TMC1: variants seen among roughly 807,000 people sequenced by gnomAD.
TMC1 encodes transmembrane channel like 1, also known as transmembrane channel-like protein 1.
Under a neutral mutation model 105.8 loss-of-function variants are expected in TMC1, and 84 were observed. The ratio of observed to expected loss-of-function variants is 0.79; its 90% CI spans 0.67 to 0.95. The LOEUF is 0.95. Ranked by LOEUF, TMC1 falls within the 40% of genes least tolerant of loss-of-function variation. The pLI is 0.00. For missense variants in TMC1, 817 were observed against 914.1 expected (o/e 0.89, Z 1.37); for synonymous variants, 315 against 311.5 (o/e 1.01, Z -0.12).
At chr9:72,794,481 G>A (rs1331629122) in intron 17 of TMC1, among the ~76,000 whole-genome samples, 1 of 152,056 alleles carries the variant, frequency 6.6e-6, no homozygotes, top group African/African-American at 2.4e-5. Context: ...GCCACCTACT[G>A]GATCACATTC....
At chr9:72,735,198 C>T (rs968083916) in intron 8 of TMC1, among the ~76,000 whole-genome samples, 1 of 152,180 alleles carries the variant, frequency 6.6e-6, no homozygotes, top group African/African-American at 2.4e-5. Context: ...TGCTTCAGCT[C>T]TGAGACCTGA....
rs182079787 is a variant in TMC1, at chr9:72,551,682, A to G, written c.-427-26220A>G. On this transcript the variant is annotated intron_variant, in intron 1 of 23. Transcript: ENST00000297784. ...ATTGAGTCCTTCCTAAAGACAGACT[A>G]AAGTCCTAGTCTCCAGGACCTGTAA... Among the ~76,000 whole-genome samples, 192 of 152,308 alleles carry G rather than the reference A, an allele frequency of 1.3e-3. 1 individual carries two copies. Among genetic ancestry groups the G allele is most frequent in the African/African-American group, 4.4e-3 (184 of 41,556 alleles).
rs147181098 is a variant in TMC1 at position 72,675,332 on chromosome 9, C to T, written c.17-13377C>T. On this transcript the variant is annotated intron_variant, in intron 5 of 23. Transcript: ENST00000297784. ...GAATTTCAGTCATTTCTCCTGTCAT[C>T]TGAAAAATATATGATATTGAATTTC... is the stretch of plus-strand genomic sequence containing the variant. Among the ~76,000 whole-genome samples the T allele has an allele frequency of 3.0e-3, 452 of 152,200 alleles. 6 individuals are homozygous for T. The highest frequency in any genetic ancestry group is 0.011 in the African/African-American group (438 of 41,510).
chr9:72,549,006 T>A (rs1161356112), intron 1 of TMC1, among the ~76,000 whole-genome samples: 2 of 152,148 alleles, frequency 1.3e-5, no homozygotes, highest in African/African-American at 4.8e-5. Context: ...TGGCACATAG[T>A]GGACATGAAA....
Position 72,731,443 on chromosome 9 carries a change from G to A in TMC1, c.363-8676G>A, listed in dbSNP as rs574285856. Among the ~76,000 whole-genome samples, 117 of 152,280 alleles carry A rather than the reference G, an allele frequency of 7.7e-4. 2 individuals carry two copies. The South Asian group carries it at 0.013, about 17-fold the overall frequency. On this transcript the variant is annotated intron_variant, in intron 8 of 23. Coordinates refer to ENST00000297784, the MANE Select transcript of TMC1 (RefSeq NM_138691.3). ...CTCTAGAACTGAAGATAAAGAAAAG[G>A]AAGAAAATAGGTGTAGGAGAAGAGA...
rs1424466624 is a variant in TMC1 at position 72,806,299 on chromosome 9, G to A, written c.1695+789G>A. ...TCCTCACTTCCCAGTAGGGGCAGCC[G>A]GGCAGAGGCGCCCCTCACCTCCTGG... On this transcript the variant is annotated intron_variant, in intron 18 of 23. Coordinates refer to ENST00000297784, the MANE Select transcript of TMC1 (RefSeq NM_138691.3). 1.1e-4 allele frequency among the ~76,000 whole-genome samples: 17 copies of A among 149,956 alleles called. 1 individual carries two copies. Among genetic ancestry groups the A allele is most frequent in the East Asian group, 8.0e-4 (4 of 4,980 alleles).
intron 2 of TMC1, among the ~76,000 whole-genome samples, chr9:72,605,765 G>A (rs1212628347): frequency 4.0e-5 from 6 of 151,854 alleles, no homozygotes; most frequent in Admixed American, 1.3e-4. Flanking sequence ...TAGTAGAGAC[G>A]TGGTTTTGTC....
chr9:72,801,666 C>A (rs1254112463), intron 17 of TMC1, among the ~76,000 whole-genome samples: 1 of 152,176 alleles, frequency 6.6e-6, no homozygotes, highest in African/African-American at 2.4e-5. Context: ...TTTTAACTAA[C>A]ATCACGTGTG....
intron 8 of TMC1, among the ~76,000 whole-genome samples, chr9:72,722,802 T>C (rs1421684254): frequency 6.6e-6 from 1 of 152,190 alleles, no homozygotes; most frequent in Non-Finnish European, 1.5e-5. Flanking sequence ...TAAAAAGCCC[T>C]GATCTATAGT....
intron 3 of TMC1, among the ~76,000 whole-genome samples, chr9:72,618,104 C>T (rs1825170144): frequency 1.5e-5 from 2 of 131,644 alleles, no homozygotes; most frequent in African/African-American, 5.6e-5. Flanking sequence ...TCTCAGCTTA[C>T]TGCAACCTCT....
intron 17 of TMC1, among the ~76,000 whole-genome samples, chr9:72,798,613 C>T (rs1388861232): frequency 6.6e-6 from 1 of 152,016 alleles, no homozygotes; most frequent in African/African-American, 2.4e-5. Context: ...CATGTTCTTA[C>T]TTATATGGGA....
rs953014504 is a variant in TMC1 at position 72,806,948 on chromosome 9, C to T, written c.1695+1438C>T. On this transcript the variant is annotated intron_variant, in intron 18 of 23. Coordinates refer to ENST00000297784, the MANE Select transcript of TMC1 (RefSeq NM_138691.3). The stretch of plus-strand genomic sequence containing the variant: ...TGGAGGTTGTAGCGAGCCGAGATCA[C>T]GCCACTGCACTCCAGCCTGGGCACC... Among the ~76,000 whole-genome samples the T allele has an allele frequency of 1.8e-4, 27 of 152,282 alleles. No individual in the cohort carries two copies. In the South Asian group the frequency reaches 5.2e-3, roughly 29 times the overall value.
At chr9:72,706,473 C>A (rs2793148) in intron 8 of TMC1, among the ~76,000 whole-genome samples, 76,301 of 151,930 alleles carry the variant, frequency 0.5, 20,186 homozygotes, top group African/African-American at 0.69. Flanking sequence ...TATTTGGTTA[C>A]ATGAGTAAGT....
chr9:72,604,507 T>G (rs1008938669), intron 2 of TMC1, among the ~76,000 whole-genome samples: 1 of 152,222 alleles, frequency 6.6e-6, no homozygotes, highest in South Asian at 2.1e-4. Context: ...CAGAAAAGTT[T>G]CTGGGCTCTG....
intron 4 of TMC1, among the ~76,000 whole-genome samples, chr9:72,641,129 T>C (rs1478857599): frequency 2.6e-5 from 4 of 152,202 alleles, no homozygotes; most frequent in African/African-American, 9.6e-5. Context: ...GGCCTCACTC[T>C]GTTGCCCAGT....
chr9:72,542,154 T>C (rs1413791271), intron 1 of TMC1, among the ~76,000 whole-genome samples: 1 of 152,036 alleles, frequency 6.6e-6, no homozygotes, highest in Non-Finnish European at 1.5e-5. Flanking sequence ...TGAAACCCCA[T>C]GTCTACTAAA....
chr9:72,691,444 G>A (rs1200289074), intron 6 of TMC1, among the ~76,000 whole-genome samples: 1 of 152,110 alleles, frequency 6.6e-6, no homozygotes, highest in African/African-American at 2.4e-5. Context: ...CAGCCTTCAG[G>A]AGAAGGATTA....
intron 8 of TMC1, among the ~76,000 whole-genome samples, chr9:72,700,908 C>A (rs1156813743): frequency 6.6e-6 from 1 of 151,286 alleles, no homozygotes; most frequent in South Asian, 2.1e-4. Context: ...TGTATATTTA[C>A]ATATATCTGT....
chr9:72,709,479 C>CT (rs1588043457), intron 8 of TMC1, among the ~76,000 whole-genome samples: 2 of 151,682 alleles, frequency 1.3e-5, no homozygotes, highest in African/African-American at 2.4e-5. Context: ...TGGTCCTGGA[C>CT]TTTTTTTTGT....
Sources: gnomAD v4.1 joint callset for allele counts (sites outside exome capture counted in the v4.1 genomes callset) on GRCh38, gnomAD v4.1.1 for gene constraint, MANE v1.5 for transcripts, NCBI Gene and HGNC (gene_info 2026-07-23, HGNC 2026-07-21) for gene names.